The following SORCS2 variants were observed in gnomAD, a reference collection of about 807,000 sequenced individuals.
SORCS2 encodes VPS10 domain-containing receptor SorCS2.
A neutral mutation model predicts 141.6 loss-of-function variants in SORCS2; 100 were observed. That is an observed-to-expected ratio of 0.71 (90% CI 0.60 to 0.83). SORCS2 has a LOEUF of 0.83. Among genes scored for constraint, SORCS2 ranks in the 40% least tolerant of loss-of-function variants. The pLI is 0.00. For missense variants in SORCS2, 1,646 were observed against 1,560.2 expected (o/e 1.05, Z -0.93); for synonymous variants, 789 against 676.9 (o/e 1.17, Z -2.57).
At chr4:7,298,731 A>G (rs913384892) in intron 1 of SORCS2, among the ~76,000 whole-genome samples, 1 of 152,196 alleles carries the variant, frequency 6.6e-6, no homozygotes, top group Admixed American at 6.5e-5. Context: ...GCTCATGTCC[A>G]TGCTAACCAA....
At position 7,740,450 on chromosome 4, in the gene SORCS2, A is replaced by C. The variant is rs1577145471; in HGVS notation, c.*186A>C. The stretch of plus-strand genomic sequence containing the variant: ...CCCAGGCCCACGGGGGGCCCACGGG[A>C]CCCCCCGGGACTCCCCGGACATGGC... On this transcript the variant is annotated 3_prime_UTR_variant, in exon 27 of 27. Transcript: ENST00000507866. 3.4e-6 allele frequency: 2 copies of C among 589,374 alleles called. No homozygotes were observed. Among genetic ancestry groups the C allele is most frequent in the East Asian group, 2.8e-5 (1 of 35,436 alleles). The allele number at this position is 589,374 out of a possible 1,614,324, so 36.5% of individuals were successfully genotyped here.
chr4:7,396,164 G>T, intron 1 of SORCS2, 124 bp from the exon 2 acceptor site: 1 of 787,100 alleles, frequency 1.3e-6, no homozygotes, highest in East Asian at 2.7e-5. Flanking sequence ...CTGACTAAGA[G>T]AGGCCCCTGG....
chr4:7,519,818 T>G (rs1023624649), intron 2 of SORCS2, among the ~76,000 whole-genome samples: 1 of 152,052 alleles, frequency 6.6e-6, no homozygotes, highest in Non-Finnish European at 1.5e-5. Flanking sequence ...AGGGCGCACA[T>G]GGGGGCTTCT....
chr4:7,358,104 A>C (rs892332152), intron 1 of SORCS2, among the ~76,000 whole-genome samples: 2 of 152,202 alleles, frequency 1.3e-5, no homozygotes, highest in African/African-American at 4.8e-5. Context: ...ATGGATGCGG[A>C]ATCTGTTTTC....
chr4:7,727,435 C>A (rs918449436), intron 21 of SORCS2, among the ~76,000 whole-genome samples: 20 of 152,172 alleles, frequency 1.3e-4, no homozygotes, highest in Admixed American at 1.2e-3. Context: ...AGACCCCCCC[C>A]CCCCTTGTCA....
At chr4:7,207,290 G>T (rs1386458532) in intron 1 of SORCS2, among the ~76,000 whole-genome samples, 2 of 152,244 alleles carry the variant, frequency 1.3e-5, no homozygotes, top group African/African-American at 4.8e-5. Context: ...GAAAGGTGCA[G>T]TGCTGAGCTG....
chr4:7,702,325 G>T (rs1577092829), intron 12 of SORCS2, among the ~76,000 whole-genome samples: 2 of 152,224 alleles, frequency 1.3e-5, no homozygotes, highest in East Asian at 3.9e-4. Flanking sequence ...CCCTTACTGG[G>T]CATGTTGAGA....
chr4:7,618,657 C>G (rs370461719), intron 3 of SORCS2, among the ~76,000 whole-genome samples: 1 of 152,278 alleles, frequency 6.6e-6, no homozygotes, highest in South Asian at 2.1e-4. Flanking sequence ...TGTGCCCTCC[C>G]CTGTGCCTAG....
In SORCS2 at chr4:7,729,681, C is replaced by T. The variant is rs1345882099; in HGVS notation, c.3077C>T (p.Pro1026Leu). The change falls in exon 23 of 27, where the codon CCC (proline) becomes CTC (leucine). Residue 1026 changes from proline (P) to leucine (L), a missense_variant. Pro to Leu is a moderately conservative substitution (Grantham distance 98). Coordinates refer to ENST00000507866, the MANE Select transcript of SORCS2 (RefSeq NM_020777.3). ...DLYVLLPPPR[P>L]TRKRSLSSDK... ...TACGTGCTCCTGCCCCCTCCCAGGC[C>T]CACAAGGAAGAGGAGCCTCTCGAGT... 1 of 1,609,940 alleles carries T rather than the reference C, an allele frequency of 6.2e-7. No homozygotes were observed. The highest frequency in any genetic ancestry group is 8.5e-7 in the Non-Finnish European group (1 of 1,178,402).
chr4:7,698,001 G>A (rs1310582483), intron 12 of SORCS2, among the ~76,000 whole-genome samples: 15 of 152,140 alleles, frequency 9.9e-5, no homozygotes, highest in Admixed American at 8.5e-4. Flanking sequence ...CTCAGGGTGT[G>A]GAGAAAGCGA....
intron 10 of SORCS2, among the ~76,000 whole-genome samples, chr4:7,687,116 T>G (rs1723929208): frequency 6.6e-6 from 1 of 152,186 alleles, no homozygotes; most frequent in Admixed American, 6.5e-5. Flanking sequence ...CGGGAGAGGT[T>G]GACGGAGACC....
chr4:7,303,533 G>C (rs1429783513), intron 1 of SORCS2, among the ~76,000 whole-genome samples: 2 of 152,188 alleles, frequency 1.3e-5, no homozygotes, highest in Non-Finnish European at 2.9e-5. Flanking sequence ...CTTTCTTTCA[G>C]TGTTTTTATC....
chr4:7,209,773 C>G (rs1231182480), intron 1 of SORCS2, among the ~76,000 whole-genome samples: 1 of 152,094 alleles, frequency 6.6e-6, no homozygotes, highest in Non-Finnish European at 1.5e-5. Context: ...CAGAACCTAC[C>G]GACCAACCAT....
At chr4:7,708,177 T>G (rs1202285958) in intron 14 of SORCS2, among the ~76,000 whole-genome samples, 1 of 152,188 alleles carries the variant, frequency 6.6e-6, no homozygotes, top group Non-Finnish European at 1.5e-5. Context: ...CCTCAACTGA[T>G]GCTCACCTGT....
At chr4:7,288,586 A>G in intron 1 of SORCS2, among the ~76,000 whole-genome samples, 1 of 142,828 alleles carries the variant, frequency 7.0e-6, no homozygotes, top group Non-Finnish European at 1.5e-5. Flanking sequence ...GGGTGGGAGG[A>G]GGAGAAGAGA....
intron 14 of SORCS2, among the ~76,000 whole-genome samples, chr4:7,712,361 G>A (rs1362081133): frequency 7.9e-5 from 12 of 152,300 alleles, no homozygotes; most frequent in African/African-American, 2.9e-4. Flanking sequence ...AGATCATTCC[G>A]CAAAACAATG....
intron 2 of SORCS2, among the ~76,000 whole-genome samples, chr4:7,422,369 C>T (rs1414292485): frequency 6.6e-6 from 1 of 152,202 alleles, no homozygotes; most frequent in Non-Finnish European, 1.5e-5. Context: ...GATGCCCTGC[C>T]CGCTTCTACA....
intron 26 of SORCS2, 102 bp downstream of exon 26, chr4:7,737,274 G>A (rs1374942598): frequency 2.1e-5 from 31 of 1,496,244 alleles, no homozygotes; most frequent in Non-Finnish European, 2.8e-5. Flanking sequence ...GGCCGCTGGG[G>A]CCAGCAAAAC....
At chr4:7,433,986 C>G in intron 2 of SORCS2, 1 of 1,613,786 alleles carries the variant, frequency 6.2e-7, no homozygotes, top group Non-Finnish European at 8.5e-7. Flanking sequence ...GCACCACGTT[C>G]ATGCACACCT....
Sources: allele counts gnomAD v4.1 joint callset (sites outside exome capture counted in the v4.1 genomes callset), GRCh38; gene constraint gnomAD v4.1.1; transcripts MANE v1.5; gene names NCBI Gene and HGNC (gene_info 2026-07-23, HGNC 2026-07-21).